PFKFB3: variants seen among roughly 807,000 people sequenced by gnomAD.
PFKFB3 encodes the protein 6-phosphofructo-2-kinase/fructose-2,6-biphosphatase 3, also known as 6-phosphofructo-2-kinase/fructose-2,6-bisphosphatase 3.
A neutral mutation model predicts 68.0 loss-of-function variants in PFKFB3; 33 were observed. The observed-to-expected ratio is 0.49, with a 90% CI of 0.37 to 0.65. PFKFB3 has a LOEUF of 0.65. PFKFB3 is among the 30% of genes least tolerant of loss of function. The pLI, the probability that PFKFB3 is intolerant of heterozygous loss-of-function variation, is 0.00. For missense variants in PFKFB3, 586 were observed against 712.2 expected (o/e 0.82, Z 2.02); for synonymous variants, 315 against 288.2 (o/e 1.09, Z -0.94).
chr10:6,177,440 CTT>C (rs1491261027), intron 1 of PFKFB3, among the ~76,000 whole-genome samples: 29 of 90,260 alleles, frequency 3.2e-4, no homozygotes, highest in African/African-American at 1.2e-3. Flanking sequence ...TTTTCTTTCT[CTT>C]TCTTTCTTTC....
At chr10:6,296,634 C>T in the PFKFB3 span, among the ~76,000 whole-genome samples, 1 of 152,192 alleles carries the variant, frequency 6.6e-6, no homozygotes, top group African/African-American at 2.4e-5. Flanking sequence ...GAGGGTTCCT[C>T]CCCTTTTTAG....
Position 6,215,786 on chromosome 10 carries a change from T to TG in PFKFB3, c.300-334dup, listed in dbSNP as rs1221388985. ...GCCCCGGCTGTATGCTGGAGTCTCC[T>TG]GGGGGATGCTAAAATCCCTGATGCC... On this transcript the variant is annotated intron_variant, in intron 3 of 14. Coordinates refer to ENST00000379775, the MANE Select transcript of PFKFB3 (RefSeq NM_004566.4). This position sits in a 1 kb window ranked among gnomAD's most constrained non-coding sequence, Gnocchi z 4.3. Among the ~76,000 whole-genome samples, 1 of 152,206 alleles carries TG rather than the reference T, an allele frequency of 6.6e-6. No homozygotes were observed. Among genetic ancestry groups the TG allele is most frequent in the Non-Finnish European group, 1.5e-5 (1 of 68,026 alleles).
chr10:6,198,085 A>T (rs1433727703), upstream of PFKFB3, among the ~76,000 whole-genome samples: 1 of 152,044 alleles, frequency 6.6e-6, no homozygotes, highest in Non-Finnish European at 1.5e-5. Context: ...TCTACTAAAG[A>T]TACAAAAAAA....
At chr10:6,279,746 C>T in the PFKFB3 span, among the ~76,000 whole-genome samples, 3 of 152,188 alleles carry the variant, frequency 2.0e-5, no homozygotes, top group Non-Finnish European at 4.4e-5. Context: ...ACAAAATTTC[C>T]AGCCATTTGA....
chr10:6,200,689 T>TGGGG (rs1843318460), upstream of PFKFB3, among the ~76,000 whole-genome samples: 1 of 4,864 alleles, frequency 2.1e-4, no homozygotes, highest in Non-Finnish European at 5.4e-4. Flanking sequence ...GGGGTGGTGG[T>TGGGG]GGGGCGGGGA....
chr10:6,163,647 G>A (rs925855250), intron 1 of PFKFB3, among the ~76,000 whole-genome samples: 2 of 152,054 alleles, frequency 1.3e-5, no homozygotes, highest in East Asian at 1.9e-4. Context: ...TAAGCCAGCT[G>A]GGTCCCGGGC....
At chr10:6,244,253 G>T (rs974078337) in intron 14 of PFKFB3, among the ~76,000 whole-genome samples, 1 of 152,184 alleles carries the variant, frequency 6.6e-6, no homozygotes, top group African/African-American at 2.4e-5. Flanking sequence ...CAACTCGCTT[G>T]TTAGGGCTGA....
chr10:6,214,624 C>T (rs188903251), intron 2 of PFKFB3, among the ~76,000 whole-genome samples: 98 of 152,130 alleles, frequency 6.4e-4, no homozygotes, highest in Admixed American at 1.7e-3. Flanking sequence ...AACCTGTTAC[C>T]CAGATAGTGA....
At chr10:6,157,335 T>C (rs188179779) in intron 1 of PFKFB3, among the ~76,000 whole-genome samples, 1,950 of 151,616 alleles carry the variant, frequency 0.013, 41 homozygotes, top group African/African-American at 0.044. Flanking sequence ...CACGCCATTC[T>C]CCTGCCTCAG....
At chr10:6,181,809 AAAAAAAAAAAGAC>A (rs1842720682) in intron 1 of PFKFB3, among the ~76,000 whole-genome samples, 1 of 151,870 alleles carries the variant, frequency 6.6e-6, no homozygotes, top group Admixed American at 6.6e-5. Flanking sequence ...AAAAAAAAAA[AAAAAAAAAAAGAC>A]AAATACTGCA....
At chr10:6,207,341 G>A (rs1206432894) in intron 1 of PFKFB3, among the ~76,000 whole-genome samples, 1 of 152,260 alleles carries the variant, frequency 6.6e-6, no homozygotes, top group Admixed American at 6.5e-5. Context: ...GCAGGCTGAG[G>A]CAGGAGAATC....
the PFKFB3 span, among the ~76,000 whole-genome samples, chr10:6,304,941 C>A: frequency 1.2e-3 from 170 of 141,554 alleles, no homozygotes; most frequent in Non-Finnish European, 1.3e-3. Flanking sequence ...CTCGGCCTTG[C>A]AAAGTGTTGG....
At chr10:6,219,788 TAA>T in intron 7 of PFKFB3, 95 bp downstream of exon 7, 5 of 1,392,724 alleles carry the variant, frequency 3.6e-6, no homozygotes, top group East Asian at 4.6e-5. Context: ...TGGATACCTT[TAA>T]AAAAATTTTT....
chr10:6,217,056 G>A (rs1043977916), intron 5 of PFKFB3, 79 bp from the exon 6 acceptor site: 20 of 1,399,822 alleles, frequency 1.4e-5, no homozygotes, highest in African/African-American at 9.9e-5. Context: ...CGCCTTGTCC[G>A]GGTGATGACA....
chr10:6,145,386 C>T (rs1451632919), intron 1 of PFKFB3, among the ~76,000 whole-genome samples: 1 of 93,624 alleles, frequency 1.1e-5, no homozygotes, highest in East Asian at 3.8e-4. Flanking sequence ...CCGCGCGTCC[C>T]CTCTGGCGAC....
intron 1 of PFKFB3, among the ~76,000 whole-genome samples, chr10:6,185,462 T>C (rs548378925): frequency 6.6e-6 from 1 of 152,316 alleles, no homozygotes; most frequent in South Asian, 2.1e-4. Flanking sequence ...AACAGGCCAC[T>C]GCGGGGGCGA....
chr10:6,277,335 G>T, the PFKFB3 span, among the ~76,000 whole-genome samples: 2 of 151,878 alleles, frequency 1.3e-5, no homozygotes, highest in African/African-American at 4.8e-5. Context: ...CTGGGTTCCA[G>T]CGATTCTCCT....
chr10:6,174,115 G>T (rs987869798), intron 1 of PFKFB3, among the ~76,000 whole-genome samples: 1 of 151,308 alleles, frequency 6.6e-6, no homozygotes, highest in African/African-American at 2.5e-5. Context: ...GTCCTTACAC[G>T]GTGCTCCTTA....
At chr10:6,310,441 G>A in the PFKFB3 span, among the ~76,000 whole-genome samples, 5 of 152,062 alleles carry the variant, frequency 3.3e-5, no homozygotes, top group East Asian at 7.7e-4. Context: ...GAGTCTCTGC[G>A]CTGGTGTTTA....
Sources: allele counts gnomAD v4.1 joint callset (sites outside exome capture counted in the v4.1 genomes callset), GRCh38; gene constraint gnomAD v4.1.1; non-coding constraint Gnocchi (gnomAD v3.1); transcripts MANE v1.5; gene names NCBI Gene and HGNC (gene_info 2026-07-23, HGNC 2026-07-21).